The following MLLT3 variants were observed in gnomAD, a reference collection of about 807,000 sequenced individuals.
MLLT3 encodes protein AF-9.
In MLLT3, 4 loss-of-function variants were observed where a neutral mutation model predicts 53.2. The observed-to-expected ratio is 0.08, with a 90% CI of 0.04 to 0.17. MLLT3 has a LOEUF of 0.17. Ranked by LOEUF, MLLT3 falls within the 10% of genes least tolerant of loss-of-function variation. The pLI is 1.00. For synonymous variants in MLLT3, 283 were observed against 230.6 expected (o/e 1.23, Z -2.06); for missense variants, 569 against 684.0 (o/e 0.83, Z 1.87).
chr9:20,394,751 C>T (rs1822276846), intron 5 of MLLT3, among the ~76,000 whole-genome samples: 1 of 152,034 alleles, frequency 6.6e-6, no homozygotes, highest in African/African-American at 2.4e-5. Context: ...AACTCTTTCT[C>T]AGAAAAGAAA....
chr9:20,486,080 C>T (rs1824805139), intron 2 of MLLT3, among the ~76,000 whole-genome samples: 1 of 152,108 alleles, frequency 6.6e-6, no homozygotes, highest in Non-Finnish European at 1.5e-5. Context: ...ATAGTCAAGT[C>T]ATCCATTTCC....
chr9:20,503,368 T>C (rs1318970061), intron 2 of MLLT3, among the ~76,000 whole-genome samples: 3 of 151,678 alleles, frequency 2.0e-5, no homozygotes, highest in African/African-American at 7.3e-5. Context: ...TGGAATGGAA[T>C]AGAGGGCCCA....
chr9:20,554,700 C>T (rs1819010059), intron 2 of MLLT3, among the ~76,000 whole-genome samples: 1 of 152,186 alleles, frequency 6.6e-6, no homozygotes, highest in South Asian at 2.1e-4. Context: ...GTGACACCCT[C>T]CAAAGAGCAA....
intron 4 of MLLT3, chr9:20,418,429 G>A (rs573755754): frequency 2.0e-4 from 31 of 152,344 alleles, no homozygotes; most frequent in Admixed American, 1.1e-3. Context: ...GGGGTCAGGG[G>A]AGGCCTTGAA....
intron 2 of MLLT3, among the ~76,000 whole-genome samples, chr9:20,580,409 AC>A (rs1050765566): frequency 2.6e-5 from 4 of 152,016 alleles, no homozygotes; most frequent in African/African-American, 9.7e-5. Flanking sequence ...CTTGAAAAAT[AC>A]CCTTGCACAG....
intron 9 of MLLT3, among the ~76,000 whole-genome samples, chr9:20,354,153 G>C (rs536209436): frequency 6.6e-6 from 1 of 152,142 alleles, no homozygotes; most frequent in East Asian, 1.9e-4. Flanking sequence ...AGTGACAGAA[G>C]AACAGAAGAA....
intron 2 of MLLT3, among the ~76,000 whole-genome samples, chr9:20,499,592 G>C (rs529599686): frequency 6.6e-6 from 1 of 152,108 alleles, no homozygotes; most frequent in South Asian, 2.1e-4. Context: ...AGATACCTTC[G>C]AAATCATTTG....
At chr9:20,537,344 C>A (rs6475457) in intron 2 of MLLT3, among the ~76,000 whole-genome samples, 1 of 151,928 alleles carries the variant, frequency 6.6e-6, no homozygotes, top group African/African-American at 2.4e-5. Context: ...TAATCTGTTA[C>A]GGAAATGTAC....
At chr9:20,547,663 G>C (rs1331898717) in intron 2 of MLLT3, among the ~76,000 whole-genome samples, 1 of 114,882 alleles carries the variant, frequency 8.7e-6, no homozygotes, top group South Asian at 3.0e-4. Flanking sequence ...AAAAAAAAAA[G>C]GTACATACAC....
At chr9:20,478,252 G>A (rs752193281) in intron 2 of MLLT3, among the ~76,000 whole-genome samples, 6 of 152,000 alleles carry the variant, frequency 3.9e-5, no homozygotes, top group African/African-American at 1.2e-4. Flanking sequence ...AAGTTAACAC[G>A]GCATTCTTTG....
intron 10 of MLLT3, among the ~76,000 whole-genome samples, chr9:20,347,820 G>A (rs572280352): frequency 5.8e-4 from 89 of 152,184 alleles, no homozygotes; most frequent in Non-Finnish European, 9.6e-4. Context: ...TCTTAAAAAA[G>A]AGAATAATTT....
chr9:20,434,074 C>T (rs1242901370), intron 4 of MLLT3, among the ~76,000 whole-genome samples: 3 of 151,836 alleles, frequency 2.0e-5, no homozygotes, highest in Admixed American at 6.6e-5. Context: ...TGAGCCAAGA[C>T]GGTGCCACTG....
chr9:20,498,185 G>A (rs569719605), intron 2 of MLLT3, among the ~76,000 whole-genome samples: 2 of 130,852 alleles, frequency 1.5e-5, no homozygotes, highest in African/African-American at 5.7e-5. Context: ...CAGAGATGGC[G>A]CCACTGTACT....
chr9:20,582,531 A>G (rs1038356024), intron 2 of MLLT3, among the ~76,000 whole-genome samples: 1 of 152,184 alleles, frequency 6.6e-6, no homozygotes, highest in Non-Finnish European at 1.5e-5. Context: ...AATTGGCAAT[A>G]TGCACTTGTA....
At chr9:20,600,518 C>T (rs1820395365) in intron 2 of MLLT3, among the ~76,000 whole-genome samples, 1 of 152,208 alleles carries the variant, frequency 6.6e-6, no homozygotes, top group South Asian at 2.1e-4. Flanking sequence ...TCTGAGTGTT[C>T]ACACTCCTCA....
chr9:20,425,191 A>G (rs1823112359), intron 4 of MLLT3, among the ~76,000 whole-genome samples: 2 of 152,194 alleles, frequency 1.3e-5, no homozygotes, highest in Admixed American at 6.5e-5. Flanking sequence ...AAGGTATCCA[A>G]GAGATCAATT....
intron 5 of MLLT3, among the ~76,000 whole-genome samples, chr9:20,374,787 C>T (rs1372969738): frequency 6.6e-6 from 1 of 152,152 alleles, no homozygotes; most frequent in Non-Finnish European, 1.5e-5. Context: ...ATTTCATTTG[C>T]ACTACCACTA....
At chr9:20,513,282 T>C (rs1016854265) in intron 2 of MLLT3, among the ~76,000 whole-genome samples, 9 of 152,160 alleles carry the variant, frequency 5.9e-5, no homozygotes, top group Non-Finnish European at 8.8e-5. Context: ...CCTCCCAAGA[T>C]AGCCACTCTC....
intron 2 of MLLT3, among the ~76,000 whole-genome samples, chr9:20,575,724 C>T (rs952500513): frequency 1.3e-5 from 2 of 152,080 alleles, no homozygotes; most frequent in African/African-American, 4.8e-5. Flanking sequence ...TTCAGTGTGG[C>T]AAGCAGATAT....
Sources: allele counts gnomAD v4.1 joint callset (sites outside exome capture counted in the v4.1 genomes callset), GRCh38; gene constraint gnomAD v4.1.1; transcripts MANE v1.5; gene names NCBI Gene and HGNC (gene_info 2026-07-23, HGNC 2026-07-21).